Variants in GYPC observed in about 807,000 individuals in gnomAD.
The protein encoded by GYPC is glycophorin-C.
A neutral mutation model predicts 12.6 loss-of-function variants in GYPC; 14 were observed. The observed-to-expected ratio is 1.11, with a 90% CI of 0.74 to 1.74. GYPC has a LOEUF of 1.74. Among genes scored for constraint, GYPC ranks in the 40% most tolerant of loss-of-function variants. The pLI, the probability that GYPC is intolerant of heterozygous loss-of-function variation, is 0.00. For missense variants in GYPC, 225 were observed against 172.1 expected, an observed-to-expected ratio of 1.31 and a Z score of -1.72; for synonymous variants, 78 against 62.1, an observed-to-expected ratio of 1.26 and a Z score of -1.20.
intron 1 of GYPC, among the ~76,000 whole-genome samples, chr2:126,683,101 T>A (rs1173182429): frequency 1.3e-5 from 2 of 152,206 alleles, no homozygotes; most frequent in Non-Finnish European, 2.9e-5. Context: ...GCGGATCATG[T>A]GAAGTCAGGA....
At chr2:126,684,354 A>G (rs1055290796) in intron 1 of GYPC, among the ~76,000 whole-genome samples, 1 of 152,160 alleles carries the variant, frequency 6.6e-6, no homozygotes, top group African/African-American at 2.4e-5. Flanking sequence ...AAGCCCTCAT[A>G]GCATACATCC....
intron 1 of GYPC, among the ~76,000 whole-genome samples, chr2:126,666,708 T>TACACACACACAC (rs67904410): frequency 1.2e-4 from 14 of 118,544 alleles, no homozygotes; most frequent in African/African-American, 1.7e-4. Flanking sequence ...CCTCCCTCCC[T>TACACACACACAC]ACACACACAC....
intron 1 of GYPC, among the ~76,000 whole-genome samples, chr2:126,689,964 C>T (rs1683405998): frequency 6.6e-6 from 1 of 152,234 alleles, no homozygotes; most frequent in Admixed American, 6.5e-5. Context: ...GCATCTACCA[C>T]ATGCAGGCAC....
chr2:126,669,393 C>T (rs1216304064), intron 1 of GYPC, among the ~76,000 whole-genome samples: 1 of 152,088 alleles, frequency 6.6e-6, no homozygotes, highest in Non-Finnish European at 1.5e-5. Flanking sequence ...CCAGGGGTTC[C>T]AACCCCTAGT....
intron 1 of GYPC, among the ~76,000 whole-genome samples, chr2:126,673,728 G>T (rs547881256): frequency 6.6e-6 from 1 of 152,264 alleles, no homozygotes. Context: ...AATTTTAAGT[G>T]GACAAATGGT....
At chr2:126,665,558 G>A (rs767199908) in intron 1 of GYPC, among the ~76,000 whole-genome samples, 3 of 152,168 alleles carry the variant, frequency 2.0e-5, no homozygotes, top group Non-Finnish European at 4.4e-5. Flanking sequence ...GATAAGGCTG[G>A]AGGACATCAG....
chr2:126,673,887 C>G (rs1024804424), intron 1 of GYPC, among the ~76,000 whole-genome samples: 2 of 152,176 alleles, frequency 1.3e-5, no homozygotes, highest in African/African-American at 4.8e-5. Flanking sequence ...GAGGATCAGC[C>G]TCTTGGATTT....
chr2:126,682,648 A>C (rs1217516528), intron 1 of GYPC, among the ~76,000 whole-genome samples: 2 of 152,318 alleles, frequency 1.3e-5, no homozygotes, highest in East Asian at 3.9e-4. Flanking sequence ...GGGGCAAGTC[A>C]GAGGTTACAC....
intron 1 of GYPC, among the ~76,000 whole-genome samples, chr2:126,661,209 A>G (rs1682526220): frequency 6.6e-6 from 1 of 152,076 alleles, no homozygotes; most frequent in African/African-American, 2.4e-5. Flanking sequence ...GAGCCTCTGC[A>G]GTTCTGACCC....
intron 1 of GYPC, among the ~76,000 whole-genome samples, chr2:126,662,838 C>G (rs995454278): frequency 6.6e-6 from 1 of 152,148 alleles, no homozygotes; most frequent in African/African-American, 2.4e-5. Flanking sequence ...CTTCCGCTCA[C>G]TGAGTGTGTG....
At chr2:126,661,868 G>T (rs1311392590) in intron 1 of GYPC, among the ~76,000 whole-genome samples, 3 of 152,176 alleles carry the variant, frequency 2.0e-5, no homozygotes, top group Non-Finnish European at 4.4e-5. Flanking sequence ...CTCCGCTTCG[G>T]GGCATGTAGA....
intron 2 of GYPC, 132 bp downstream of exon 2, chr2:126,690,443 G>A (rs1683427193): frequency 2.7e-6 from 2 of 750,734 alleles, no homozygotes; most frequent in African/African-American, 3.4e-5. Context: ...CTGACCTAAG[G>A]ACTTGGACAG....
At chr2:126,682,136 G>A (rs1182363005) in intron 1 of GYPC, among the ~76,000 whole-genome samples, 3 of 152,212 alleles carry the variant, frequency 2.0e-5, no homozygotes, top group Non-Finnish European at 4.4e-5. Context: ...GGGATACACG[G>A]GCCTTCCTGG....
At chr2:126,686,659 G>C in intron 1 of GYPC, 1 of 977,038 alleles carries the variant, frequency 1.0e-6, no homozygotes, top group African/African-American at 1.9e-5. Flanking sequence ...GGGTGTTGCA[G>C]GGGGCCGGGG....
At chr2:126,690,793 A>C (rs1683440511) in intron 2 of GYPC, among the ~76,000 whole-genome samples, 2 of 152,120 alleles carry the variant, frequency 1.3e-5, no homozygotes, top group East Asian at 1.9e-4. Context: ...CCTTGCTTTG[A>C]ACCCTGAGCA....
At position 126,656,316 on chromosome 2, in the gene GYPC, A is replaced by G; in HGVS notation, c.49+4A>G. The G allele has an allele frequency of 6.3e-7, 1 of 1,576,190 alleles. No individual in the cohort carries two copies. Among genetic ancestry groups the G allele is most frequent in the Non-Finnish European group, 8.6e-7 (1 of 1,162,398 alleles). On this transcript the variant is annotated splice_donor_region_variant and intron_variant, in intron 1 of 3. Transcript: ENST00000259254. Reference sequence around the variant, plus strand: ...ACGGCGTGGCCTCTCAGCCTCGGTGAGTACCCGCCGTGGGGAAGGGTCCTG... The same window carrying G: ...ACGGCGTGGCCTCTCAGCCTCGGTGGGTACCCGCCGTGGGGAAGGGTCCTG...
At chr2:126,691,678 C>A (rs1384436482) in intron 2 of GYPC, among the ~76,000 whole-genome samples, 7 of 152,184 alleles carry the variant, frequency 4.6e-5, no homozygotes, top group Admixed American at 2.0e-4. Context: ...AATGAATAAT[C>A]TCCAAGCAGT....
intron 1 of GYPC, among the ~76,000 whole-genome samples, chr2:126,663,415 G>A (rs1435513522): frequency 6.6e-6 from 1 of 152,156 alleles, no homozygotes; most frequent in Non-Finnish European, 1.5e-5. Flanking sequence ...TCTTGGCCAC[G>A]CACGCCAGCT....
intron 1 of GYPC, among the ~76,000 whole-genome samples, chr2:126,666,688 GC>G (rs1254975152): frequency 7.1e-6 from 1 of 140,558 alleles, no homozygotes; most frequent in Non-Finnish European, 1.5e-5. Flanking sequence ...CCATTCTCCT[GC>G]CCCCCTCCCC....
Sources: gnomAD v4.1 joint callset for allele counts (sites outside exome capture counted in the v4.1 genomes callset) on GRCh38, gnomAD v4.1.1 for gene constraint, MANE v1.5 for transcripts, NCBI Gene and HGNC (gene_info 2026-07-23, HGNC 2026-07-21) for gene names.